FOXJ3: variants seen among roughly 807,000 people sequenced by gnomAD.
FOXJ3 encodes forkhead box J3.
FOXJ3 carries 22 observed loss-of-function variants against 76.1 expected under a neutral mutation model. The observed-to-expected ratio is 0.29, with a 90% CI of 0.21 to 0.41. The LOEUF is 0.41. Ranked by LOEUF, FOXJ3 falls within the 10% of genes least tolerant of loss-of-function variation. FOXJ3 has a pLI of 1.00. For synonymous variants in FOXJ3, 269 were observed against 261.2 expected, an observed-to-expected ratio of 1.03 and a Z score of -0.29; for missense variants, 613 against 762.1, an observed-to-expected ratio of 0.80 and a Z score of 2.30.
chr1:42,206,531 T>C (rs903384305), intron 5 of FOXJ3, among the ~76,000 whole-genome samples: 2 of 152,188 alleles, frequency 1.3e-5, no homozygotes, highest in African/African-American at 4.8e-5. Context: ...ACCCATGAGT[T>C]TGGGCTTCTA....
intron 2 of FOXJ3, among the ~76,000 whole-genome samples, chr1:42,303,236 T>C (rs550397855): frequency 6.6e-6 from 1 of 152,198 alleles, no homozygotes; most frequent in Non-Finnish European, 1.5e-5. Flanking sequence ...TAATTACCTA[T>C]ATATCTTTGA....
At chr1:42,313,253 C>T (rs1346400911) in intron 1 of FOXJ3, among the ~76,000 whole-genome samples, 1 of 151,668 alleles carries the variant, frequency 6.6e-6, no homozygotes, top group Non-Finnish European at 1.5e-5. Flanking sequence ...AGGAGAATCG[C>T]TTGAACCTGG....
At chr1:42,295,696 T>G (rs1653743605) in intron 2 of FOXJ3, among the ~76,000 whole-genome samples, 1 of 151,920 alleles carries the variant, frequency 6.6e-6, no homozygotes, top group African/African-American at 2.4e-5. Context: ...GTCTGAGTGA[T>G]TTTTCTATTT....
chr1:42,325,391 A>C (rs1268775235), intron 1 of FOXJ3, among the ~76,000 whole-genome samples: 2 of 152,342 alleles, frequency 1.3e-5, no homozygotes, highest in South Asian at 2.1e-4. Context: ...GAAAAGAAGA[A>C]AACAGAAGAA....
intron 6 of FOXJ3, among the ~76,000 whole-genome samples, chr1:42,200,510 G>A (rs1389942894): frequency 2.0e-5 from 3 of 151,952 alleles, no homozygotes; most frequent in Non-Finnish European, 4.4e-5. Context: ...ACGGAGTCTC[G>A]CTTTGTCGCC....
chr1:42,325,291 T>C (rs1004992611), intron 1 of FOXJ3, among the ~76,000 whole-genome samples: 7 of 152,234 alleles, frequency 4.6e-5, no homozygotes, highest in Non-Finnish European at 8.8e-5. Context: ...GAAATAACTA[T>C]GAAGCCATCA....
chr1:42,248,936 T>C (rs573385340), intron 4 of FOXJ3, among the ~76,000 whole-genome samples: 1 of 152,116 alleles, frequency 6.6e-6, no homozygotes, highest in South Asian at 2.1e-4. Context: ...CCGGTGTGTG[T>C]TGTCCCCCTC....
chr1:42,187,364 C>A (rs978348508), intron 11 of FOXJ3, among the ~76,000 whole-genome samples: 2 of 151,960 alleles, frequency 1.3e-5, no homozygotes, highest in African/African-American at 4.8e-5. Context: ...TCAGAAGCAA[C>A]AATTTTGGAT....
intron 6 of FOXJ3, among the ~76,000 whole-genome samples, chr1:42,202,696 A>C (rs1235407443): frequency 6.6e-6 from 1 of 152,176 alleles, no homozygotes; most frequent in Non-Finnish European, 1.5e-5. Context: ...ATGATATAGT[A>C]CAGTATCTTC....
chr1:42,186,085 T>C (rs946629305), intron 11 of FOXJ3, among the ~76,000 whole-genome samples: 2 of 152,148 alleles, frequency 1.3e-5, no homozygotes, highest in Non-Finnish European at 2.9e-5. Context: ...CTCTTGACTA[T>C]ACTTCTAAGA....
At chr1:42,252,315 T>G (rs1650158160) in intron 4 of FOXJ3, among the ~76,000 whole-genome samples, 2 of 152,250 alleles carry the variant, frequency 1.3e-5, no homozygotes, top group Non-Finnish European at 2.9e-5. Flanking sequence ...GTTATTGGTC[T>G]ATTCAGAGAT....
At chr1:42,254,122 AAAAC>A (rs1383233852) in intron 4 of FOXJ3, among the ~76,000 whole-genome samples, 9 of 152,182 alleles carry the variant, frequency 5.9e-5, no homozygotes, top group South Asian at 4.2e-4. Context: ...TACAAGAAAA[AAAAC>A]AAACAACCCC....
intron 2 of FOXJ3, chr1:42,280,370 C>T (rs1016363227): frequency 1.0e-6 from 1 of 972,964 alleles, no homozygotes; most frequent in East Asian, 1.2e-4. Flanking sequence ...AAATTCCCTC[C>T]ATCTCTATTG....
intron 4 of FOXJ3, among the ~76,000 whole-genome samples, chr1:42,231,671 G>A (rs148016853): frequency 1.1e-4 from 17 of 151,864 alleles, no homozygotes; most frequent in South Asian, 2.1e-4. Flanking sequence ...CCTCTCAGCC[G>A]TTTCTATTTT....
intron 8 of FOXJ3, among the ~76,000 whole-genome samples, 196 bp downstream of exon 8, chr1:42,194,694 A>G (rs1482689980): frequency 6.6e-6 from 1 of 152,240 alleles, no homozygotes; most frequent in African/African-American, 2.4e-5. Context: ...GGCATGCAAC[A>G]TAAAATTTAT....
At chr1:42,323,576 G>A (rs939199134) in intron 1 of FOXJ3, 5 of 274,478 alleles carry the variant, frequency 1.8e-5, no homozygotes, top group Non-Finnish European at 2.8e-5. Context: ...TCTCATCCAC[G>A]AAGCTTTTGT....
At chr1:42,185,012 T>C (rs1310830018) in intron 11 of FOXJ3, among the ~76,000 whole-genome samples, 5 of 152,052 alleles carry the variant, frequency 3.3e-5, no homozygotes, top group Admixed American at 3.3e-4. Context: ...GTGTAGGCCA[T>C]ATAGGCCATA....
At chr1:42,260,713 AAAGTTAGTCTCTTAGCAGT>A (rs1650968994) in intron 4 of FOXJ3, among the ~76,000 whole-genome samples, 1 of 152,164 alleles carries the variant, frequency 6.6e-6, no homozygotes, top group Admixed American at 6.5e-5. Flanking sequence ...GTAAGTTTCA[AAAGTTAGTCTCTTAGCAGT>A]GAATTTGTTA....
chr1:42,237,425 T>TATAC lies in FOXJ3; in HGVS notation c.445-9463_445-9460dup, dbSNP rs1553161287. On this transcript the variant is annotated intron_variant, in intron 4 of 12. Coordinates refer to ENST00000361346, the MANE Select transcript of FOXJ3 (RefSeq NM_014947.5). ...ACATACATATATATATATATATATA[T>TATAC]ATACATACATACATATATATATATA... Among the ~76,000 whole-genome samples, 620 of 137,462 alleles carry TATAC rather than the reference T, an allele frequency of 4.5e-3. 10 individuals are homozygous for TATAC. Among genetic ancestry groups the TATAC allele is most frequent in the African/African-American group, 0.016 (599 of 36,558 alleles). The allele number at this position is 137,462 out of a possible 152,430, so 90.2% of individuals were successfully genotyped here. A position where few individuals can be genotyped will look rare whatever the true frequency, so the allele number is the denominator to read the frequency against.
Sources: gnomAD v4.1 joint callset for allele counts (sites outside exome capture counted in the v4.1 genomes callset) on GRCh38, gnomAD v4.1.1 for gene constraint, MANE v1.5 for transcripts, NCBI Gene and HGNC (gene_info 2026-07-23, HGNC 2026-07-21) for gene names.